Variants in SLC5A4 observed in about 807,000 individuals in gnomAD.
The protein encoded by SLC5A4 is probable glucose sensor protein SLC5A4.
In SLC5A4, 55 loss-of-function variants were observed where a neutral mutation model predicts 70.3. The ratio of observed to expected loss-of-function variants is 0.78; its 90% confidence interval spans 0.63 to 0.98. SLC5A4 has a LOEUF of 0.98. Ranked by LOEUF, SLC5A4 falls within the 50% of genes least tolerant of loss-of-function variation. The probability of loss-of-function intolerance (pLI) is 0.00; values close to 1 mark genes in which losing one functional copy is unlikely to be tolerated. For synonymous variants in SLC5A4, 268 were observed against 305.7 expected (o/e 0.88, Z 1.29); for missense variants, 735 against 839.2 (o/e 0.88, Z 1.53).
At chr22:32,312,848 T>C in the SLC5A4 span, among the ~76,000 whole-genome samples, 1 of 152,088 alleles carries the variant, frequency 6.6e-6, no homozygotes, top group East Asian at 1.9e-4. Context: ...AAAAAAAATA[T>C]CACATGGTGT....
chr22:32,320,591 T>C, the SLC5A4 span, among the ~76,000 whole-genome samples: 1 of 152,194 alleles, frequency 6.6e-6, no homozygotes, highest in African/African-American at 2.4e-5. Flanking sequence ...GTGTTAGTCA[T>C]TGAGATTCAT....
At chr22:32,235,667 G>T (rs1000334578) in intron 7 of SLC5A4, among the ~76,000 whole-genome samples, 1 of 151,370 alleles carries the variant, frequency 6.6e-6, no homozygotes, top group African/African-American at 2.5e-5. Context: ...AGAAAATACT[G>T]AGACTCAGCC....
At chr22:32,241,785 G>A (rs995770088) in intron 5 of SLC5A4, among the ~76,000 whole-genome samples, 1 of 144,214 alleles carries the variant, frequency 6.9e-6, no homozygotes, top group African/African-American at 2.8e-5. Context: ...ATGTGTGTGT[G>A]TGTGTGTGTG....
At chr22:32,310,554 C>T in the SLC5A4 span, among the ~76,000 whole-genome samples, 18 of 152,212 alleles carry the variant, frequency 1.2e-4, no homozygotes, top group African/African-American at 3.9e-4. Context: ...GAGAGGAAGC[C>T]ATGCCTTTCT....
the SLC5A4 span, among the ~76,000 whole-genome samples, chr22:32,309,169 C>T: frequency 0.12 from 18,266 of 152,050 alleles, 1,491 homozygotes; most frequent in Non-Finnish European, 0.18. Flanking sequence ...GGGCAGCGAG[C>T]CAGCAGGCAC....
chr22:32,287,178 G>A, the SLC5A4 span, among the ~76,000 whole-genome samples: 42,949 of 152,012 alleles, frequency 0.28, 6,124 homozygotes, highest in African/African-American at 0.32. Flanking sequence ...AAAAAGGCTC[G>A]GACTATTCAT....
intron 6 of SLC5A4, 75 bp downstream of exon 6, chr22:32,238,910 T>C: frequency 1.0e-6 from 1 of 1,001,024 alleles, no homozygotes. Flanking sequence ...AGGTTAACAC[T>C]GAGAATGCTA....
the SLC5A4 span, among the ~76,000 whole-genome samples, chr22:32,340,301 G>C: frequency 3.3e-5 from 5 of 152,316 alleles, no homozygotes; most frequent in East Asian, 9.6e-4. Flanking sequence ...TTCATTGATC[G>C]GACACTGTCT....
chr22:32,305,186 AATCAGCTCTTT>A, the SLC5A4 span, among the ~76,000 whole-genome samples: 1 of 151,978 alleles, frequency 6.6e-6, no homozygotes, highest in South Asian at 2.1e-4. Context: ...TCCAGTTTCT[AATCAGCTCTTT>A]AAAAATTTTC....
chr22:32,241,827 G>GTA lies in SLC5A4; in HGVS notation c.478-2739_478-2738dup, dbSNP rs1019755071. On this transcript the variant is annotated intron_variant, in intron 5 of 14. Coordinates refer to ENST00000266086, the MANE Select transcript of SLC5A4 (RefSeq NM_014227.3). ...TGTATATATATCTGTATGTGTGTGT[G>GTA]TATATATATATCTGTGTGTGTGTGT... Among the ~76,000 whole-genome samples the GTA allele has an allele frequency of 1.6e-3, 225 of 141,618 alleles. 2 individuals carry two copies. The highest frequency in any genetic ancestry group is 6.1e-3 in the African/African-American group (216 of 35,644). 92.9% of individuals were successfully genotyped at this position (141,618 alleles called of 152,430 possible).
intron 5 of SLC5A4, among the ~76,000 whole-genome samples, chr22:32,244,470 A>G (rs1006663529): frequency 2.6e-5 from 4 of 152,230 alleles, no homozygotes; most frequent in Non-Finnish European, 5.9e-5. Context: ...TCTATTATAT[A>G]GTACTATTAA....
chr22:32,245,067 T>C (rs1392739288), intron 5 of SLC5A4, among the ~76,000 whole-genome samples: 7 of 152,186 alleles, frequency 4.6e-5, no homozygotes, highest in African/African-American at 1.7e-4. Flanking sequence ...ATATCAAATC[T>C]CAATACATAT....
At chr22:32,292,688 T>G in the SLC5A4 span, among the ~76,000 whole-genome samples, 1 of 152,168 alleles carries the variant, frequency 6.6e-6, no homozygotes. Flanking sequence ...ACTTGCTTAA[T>G]TATACAGTAT....
At chr22:32,307,472 T>C in the SLC5A4 span, among the ~76,000 whole-genome samples, 1 of 152,150 alleles carries the variant, frequency 6.6e-6, no homozygotes, top group African/African-American at 2.4e-5. Context: ...CAGGAATGGT[T>C]CCCAGAAGGG....
chr22:32,276,198 A>C, the SLC5A4 span, among the ~76,000 whole-genome samples: 1 of 152,228 alleles, frequency 6.6e-6, no homozygotes, highest in Non-Finnish European at 1.5e-5. Flanking sequence ...ATGTAGATGA[A>C]TAAATCAGAT....
chr22:32,291,874 CTATCT>C, the SLC5A4 span, among the ~76,000 whole-genome samples: 2 of 64,918 alleles, frequency 3.1e-5, no homozygotes, highest in Non-Finnish European at 6.7e-5. Flanking sequence ...TTTTTCTTTT[CTATCT>C]TTTTTTTTTT....
chr22:32,344,529 T>C, the SLC5A4 span, among the ~76,000 whole-genome samples: 12 of 152,202 alleles, frequency 7.9e-5, no homozygotes, highest in Non-Finnish European at 1.5e-4. Context: ...TGACAAGACA[T>C]AAATGCTTTC....
chr22:32,240,942 G>A (rs1043969471), intron 5 of SLC5A4, among the ~76,000 whole-genome samples: 1 of 152,234 alleles, frequency 6.6e-6, no homozygotes, highest in Non-Finnish European at 1.5e-5. Context: ...CTAGGAAGAT[G>A]GTGAATATGG....
At chr22:32,280,473 C>T in the SLC5A4 span, among the ~76,000 whole-genome samples, 1 of 152,194 alleles carries the variant, frequency 6.6e-6, no homozygotes, top group Non-Finnish European at 1.5e-5. Context: ...ACTTAGTCGA[C>T]ACTGCTCAAT....
Sources: gnomAD v4.1 joint callset for allele counts (sites outside exome capture counted in the v4.1 genomes callset) on GRCh38, gnomAD v4.1.1 for gene constraint, MANE v1.5 for transcripts, NCBI Gene and HGNC (gene_info 2026-07-23, HGNC 2026-07-21) for gene names.